The following DNAH9 variants were observed in gnomAD, a reference collection of about 807,000 sequenced individuals.
DNAH9 encodes dynein axonemal heavy chain 9, also known as DNAH9 variant protein.
DNAH9 carries 345 observed loss-of-function variants against 471.6 expected under a neutral mutation model. The observed-to-expected ratio is 0.73, with a 90% confidence interval of 0.67 to 0.80. The LOEUF (loss-of-function observed/expected upper bound fraction) is 0.80. Ranked by LOEUF, DNAH9 falls within the 30% of genes least tolerant of loss-of-function variation. The probability of loss-of-function intolerance (pLI) is 0.00; values close to 1 mark genes in which losing one functional copy is unlikely to be tolerated. For synonymous variants in DNAH9, 2,093 were observed against 2,123.6 expected, an observed-to-expected ratio of 0.99 and a Z score of 0.40; for missense variants, 5,407 against 5,609.2, an observed-to-expected ratio of 0.96 and a Z score of 1.15.
chr17:11,872,599 C>A (rs1972313448), intron 52 of DNAH9, among the ~76,000 whole-genome samples: 1 of 152,172 alleles, frequency 6.6e-6, no homozygotes. Context: ...AGTTCCCAGT[C>A]CACTTGAGGA....
At chr17:11,880,046 T>A (rs1449589262) in intron 53 of DNAH9, 32 bp from the exon 54 acceptor site, 1 of 1,612,488 alleles carries the variant, frequency 6.2e-7, no homozygotes. Context: ...TGCCACAGTC[T>A]CATACTCCCG....
At chr17:11,865,319 C>A (rs1393499144) in intron 50 of DNAH9, among the ~76,000 whole-genome samples, 2 of 151,528 alleles carry the variant, frequency 1.3e-5, no homozygotes, top group African/African-American at 4.8e-5. Flanking sequence ...GTTGAAAATT[C>A]TTTTCTTTAA....
At chr17:11,800,421 C>T (rs1372558339) in intron 43 of DNAH9, among the ~76,000 whole-genome samples, 1 of 151,826 alleles carries the variant, frequency 6.6e-6, no homozygotes, top group Non-Finnish European at 1.5e-5. Flanking sequence ...TTTATCTTAC[C>T]CCATCATTAA....
chr17:11,764,741 T>A (rs1263220541), intron 36 of DNAH9, among the ~76,000 whole-genome samples: 1 of 151,854 alleles, frequency 6.6e-6, no homozygotes, highest in Non-Finnish European at 1.5e-5. Context: ...GGAAGATAAA[T>A]CTTACATCAA....
At chr17:11,770,516 C>T (rs566851425) in intron 38 of DNAH9, among the ~76,000 whole-genome samples, 17 of 152,236 alleles carry the variant, frequency 1.1e-4, no homozygotes, top group South Asian at 8.3e-4. Context: ...ACAGAGATTC[C>T]GGCTTCCCCC....
Position 11,629,566 on chromosome 17 carries a change from C to G in DNAH9, c.1500C>G (p.Cys500Trp). 1 of 1,613,618 alleles carries G rather than the reference C, an allele frequency of 6.2e-7. No individual in the cohort carries two copies. Among genetic ancestry groups the G allele is most frequent in the Non-Finnish European group, 8.5e-7 (1 of 1,179,882 alleles). The change falls in exon 7 of 69, where the codon TGC (cysteine) becomes TGG (tryptophan). Residue 500 changes from cysteine (C) to tryptophan (W), a missense_variant. Cys to Trp is a radical substitution (Grantham distance 215). Transcript: ENST00000262442. ...TTCTCTCAGGATCCTCCTCCGACTGCCTGTACCTCCAAAGCACGGTAGGGT... is the reference window on the plus strand; with the variant it reads ...TTCTCTCAGGATCCTCCTCCGACTGGCTGTACCTCCAAAGCACGGTAGGGT... ...YRLLSGSSSD[C>W]LYLQSTDFEN...
At position 11,732,988 on chromosome 17, in the gene DNAH9, G is replaced by A. The variant is rs906558128; in HGVS notation, c.5814+5066G>A. On this transcript the variant is annotated intron_variant, in intron 28 of 68. Transcript: ENST00000262442. The stretch of plus-strand genomic sequence containing the variant: ...AAACAAATGCTCCAGTCTCAGAGCC[G>A]AGGGAGCTTCCCATGTAACACCCTT... Among the ~76,000 whole-genome samples, 8 of 152,324 alleles carry A rather than the reference G, an allele frequency of 5.3e-5. No homozygotes were observed. In the Middle Eastern group the frequency reaches 0.01, roughly 194 times the overall value.
At chr17:11,848,898 A>G (rs933057038) in intron 49 of DNAH9, among the ~76,000 whole-genome samples, 4 of 151,462 alleles carry the variant, frequency 2.6e-5, no homozygotes, top group African/African-American at 4.9e-5. Flanking sequence ...GTGCAGTGGC[A>G]TGATCTCGGC....
intron 66 of DNAH9, among the ~76,000 whole-genome samples, chr17:11,941,262 C>G (rs1477619910): frequency 2.6e-5 from 4 of 152,172 alleles, no homozygotes; most frequent in African/African-American, 9.7e-5. Context: ...AAACAGATAT[C>G]CACCACAGGC....
chr17:11,712,212 A>T (rs1260923753), intron 26 of DNAH9, among the ~76,000 whole-genome samples: 8 of 145,734 alleles, frequency 5.5e-5, no homozygotes, highest in African/African-American at 1.5e-4. Flanking sequence ...ATATAATTTT[A>T]AAAACTCCCA....
chr17:11,637,407 G>T (rs555362764), intron 9 of DNAH9, among the ~76,000 whole-genome samples: 2 of 152,154 alleles, frequency 1.3e-5, no homozygotes, highest in Non-Finnish European at 2.9e-5. Context: ...GTTCTTTATA[G>T]AATGTTGAGT....
rs1254201672 is a variant in DNAH9, at chr17:11,780,991, G to A, written c.7553-18G>A. 19 of 1,610,900 alleles carry A rather than the reference G, an allele frequency of 1.2e-5. No individual in the cohort carries two copies. The highest frequency in any genetic ancestry group is 5.3e-5 in the African/African-American group (4 of 74,808). On this transcript the variant is annotated intron_variant, in intron 38 of 68. Transcript: ENST00000262442. ...GAGATTTGAGCCGCCTTCCCTCACC[G>A]ACTGGCTCTCTCCCCAGCTGTCCTG...
At chr17:11,870,988 C>T (rs9902986) in intron 51 of DNAH9, among the ~76,000 whole-genome samples, 71,062 of 151,916 alleles carry the variant, frequency 0.47, 17,151 homozygotes, top group Non-Finnish European at 0.53. Context: ...TGAGTCCTAA[C>T]GCAGAAGCAA....
chr17:11,763,349 A>T, intron 35 of DNAH9, 91 bp from the exon 36 acceptor site: 1 of 1,137,422 alleles, frequency 8.8e-7, no homozygotes, highest in Non-Finnish European at 1.3e-6. Flanking sequence ...CCATGAGTCC[A>T]CTGAAACTGA....
intron 14 of DNAH9, among the ~76,000 whole-genome samples, chr17:11,654,933 G>C (rs1376119332): frequency 6.6e-6 from 1 of 152,058 alleles, no homozygotes; most frequent in Non-Finnish European, 1.5e-5. Flanking sequence ...AGTCATAAAG[G>C]TCCCTCAGGT....
intron 9 of DNAH9, among the ~76,000 whole-genome samples, chr17:11,638,123 A>G (rs1261604209): frequency 6.6e-6 from 1 of 152,098 alleles, no homozygotes; most frequent in Non-Finnish European, 1.5e-5. Context: ...GATCAAGGGT[A>G]GGGGAAATTA....
intron 67 of DNAH9, 68 bp downstream of exon 67, chr17:11,942,553 G>T (rs999330238): frequency 7.9e-5 from 119 of 1,503,990 alleles, no homozygotes; most frequent in Non-Finnish European, 9.7e-5. Context: ...CTATGGGGAA[G>T]AAGGAGCACT....
chr17:11,714,674 A>G (rs1277602386), intron 26 of DNAH9, among the ~76,000 whole-genome samples: 1 of 152,222 alleles, frequency 6.6e-6, no homozygotes, highest in Non-Finnish European at 1.5e-5. Flanking sequence ...ATATAATTAT[A>G]TAAGCCCTTA....
chr17:11,939,129 G>C (rs1567563955), intron 66 of DNAH9, among the ~76,000 whole-genome samples: 1 of 152,130 alleles, frequency 6.6e-6, no homozygotes, highest in Non-Finnish European at 1.5e-5. Flanking sequence ...CGAGGTCTGG[G>C]GTTAGGTTGC....
Sources: gnomAD v4.1 joint callset for allele counts (sites outside exome capture counted in the v4.1 genomes callset) on GRCh38, gnomAD v4.1.1 for gene constraint, MANE v1.5 for transcripts, NCBI Gene and HGNC (gene_info 2026-07-23, HGNC 2026-07-21) for gene names.